TMEM184C: variants seen among roughly 807,000 people sequenced by gnomAD.
The protein encoded by TMEM184C is transmembrane protein 184C, also known as transmembrane protein 34.
In TMEM184C, 25 loss-of-function variants were observed where a neutral mutation model predicts 54.5. The observed-to-expected ratio is 0.46, with a 90% CI of 0.33 to 0.64. The LOEUF is 0.64. Among genes scored for constraint, TMEM184C ranks in the 30% least tolerant of loss-of-function variants. The pLI, the probability that TMEM184C is intolerant of heterozygous loss-of-function variation, is 0.02. For synonymous variants in TMEM184C, 148 were observed against 181.5 expected, an observed-to-expected ratio of 0.82 and a Z score of 1.49; for missense variants, 335 against 520.3, an observed-to-expected ratio of 0.64 and a Z score of 3.46.
chr4:147,627,539 G>A (rs1732837052), intron 4 of TMEM184C, among the ~76,000 whole-genome samples: 1 of 152,182 alleles, frequency 6.6e-6, no homozygotes, highest in South Asian at 2.1e-4. Flanking sequence ...CACAGTGCTG[G>A]GATTACAGGC....
At chr4:147,632,505 T>C (rs1400993894) in intron 7 of TMEM184C, 2 of 162,964 alleles carry the variant, frequency 1.2e-5, no homozygotes, top group Admixed American at 6.1e-5. Context: ...TATTCTGTTA[T>C]GTGGATATAA....
At chr4:147,621,367 A>G (rs1388890046) in intron 1 of TMEM184C, among the ~76,000 whole-genome samples, 2 of 152,076 alleles carry the variant, frequency 1.3e-5, no homozygotes, top group African/African-American at 4.8e-5. Context: ...CTTCTTTCCT[A>G]AAGTTACCCA....
At chr4:147,618,169 C>G (rs1732635983) in intron 1 of TMEM184C, 90 bp downstream of exon 1, 2 of 1,573,910 alleles carry the variant, frequency 1.3e-6, no homozygotes, top group Non-Finnish European at 8.7e-7. Flanking sequence ...TCTGCCCTGA[C>G]AGTCCTGAAA....
rs1733004662 is a variant in TMEM184C, at chr4:147,635,421, C to CAT, written c.*991_*992dup. The CAT allele has an allele frequency of 6.6e-6, 1 of 152,154 alleles. No individual in the cohort carries two copies. The highest frequency in any genetic ancestry group is 1.5e-5 in the Non-Finnish European group (1 of 68,020). The allele number at this position is 152,154 out of a possible 1,614,324, so 9.4% of individuals were successfully genotyped here. A position where few individuals can be genotyped will look rare whatever the true frequency, so the allele number is the denominator to read the frequency against. ...ACTCATTAAACCACAGTCAGAAAGA[C>CAT]ATATAGGTGCTATTTGGGAAAACTT... On this transcript the variant is annotated 3_prime_UTR_variant, in exon 10 of 10. Coordinates refer to ENST00000296582, the MANE Select transcript of TMEM184C (RefSeq NM_018241.3).
rs771013016 is a variant in TMEM184C, at chr4:147,631,495, G to T, written c.769G>T (p.Val257Phe). The change falls in exon 7 of 10, where the codon GTT becomes TTT. Residue 257 changes from valine to phenylalanine, a missense_variant. Val to Phe is a conservative substitution (Grantham distance 50, BLOSUM62 -1). Transcript: ENST00000296582. ...TCTTTGTGTAAAGCTGGTGGTTTTTGTTTCTTTTTGGTAAGTGTTACTTTT... is the reference window on the plus strand; with the variant it reads ...TCTTTGTGTAAAGCTGGTGGTTTTTTTTTCTTTTTGGTAAGTGTTACTTTT... ...KFLCVKLVVF[V>F]SFWQAVVIAL... is the part of the protein sequence containing the mutation. 1 of 1,605,050 alleles carries T rather than the reference G, an allele frequency of 6.2e-7. No homozygotes were observed. Among genetic ancestry groups the T allele is most frequent in the Admixed American group, 1.7e-5 (1 of 57,564 alleles).
intron 1 of TMEM184C, among the ~76,000 whole-genome samples, chr4:147,622,964 G>C (rs1353270116): frequency 6.6e-6 from 1 of 152,086 alleles, no homozygotes; most frequent in Admixed American, 6.6e-5. Flanking sequence ...TCGCCATGTT[G>C]CTCAGGCTGG....
At position 147,617,612 on chromosome 4, in the gene TMEM184C, C is replaced by G. The variant is rs1489365966; in HGVS notation, c.-345C>G. On this transcript the variant is annotated 5_prime_UTR_variant, in exon 1 of 10. Transcript: ENST00000296582. ...AGGCCGGTTCCTGGTCTGTGCTGCT[C>G]TCCTGGAAGCCATGGTACAGGCAGA... 1 of 293,304 alleles carries G rather than the reference C, an allele frequency of 3.4e-6. No homozygotes were observed. The highest frequency in any genetic ancestry group is 6.9e-6 in the Non-Finnish European group (1 of 144,116). 18.2% of individuals were successfully genotyped at this position (293,304 alleles called of 1,614,324 possible).
rs17023581 is a variant in TMEM184C, at chr4:147,634,709, G to A, written c.*275G>A. 0.022 allele frequency: 6,592 copies of A among 304,386 alleles called. 408 individuals are homozygous for A. The highest frequency in any genetic ancestry group is 0.14 in the African/African-American group (6,059 of 42,886). The allele number at this position is 304,386 out of a possible 1,614,324, so 18.9% of individuals were successfully genotyped here. Reference sequence around the variant, plus strand: ...AACTAAATCTTCCTGATGTTACACTGCTTTATCAAGAGGATGGACTTTTTT... The same window carrying A: ...AACTAAATCTTCCTGATGTTACACTACTTTATCAAGAGGATGGACTTTTTT... On this transcript the variant is annotated 3_prime_UTR_variant, in exon 10 of 10. Coordinates refer to ENST00000296582, the MANE Select transcript of TMEM184C (RefSeq NM_018241.3).
rs1732985613 is a variant in TMEM184C at position 147,634,893 on chromosome 4, A to G, written c.*459A>G. Reference sequence around the variant, plus strand: ...AGGCACCTGCCACCATGCCCAGCTAATTTTTTTTTTTTCAGTAGAGACAGG... The same window carrying G: ...AGGCACCTGCCACCATGCCCAGCTAGTTTTTTTTTTTTCAGTAGAGACAGG... On this transcript the variant is annotated 3_prime_UTR_variant, in exon 10 of 10. Coordinates refer to ENST00000296582, the MANE Select transcript of TMEM184C (RefSeq NM_018241.3). 6.7e-6 allele frequency: 1 copy of G among 148,616 alleles called. No homozygotes were observed. Among genetic ancestry groups the G allele is most frequent in the African/African-American group, 2.5e-5 (1 of 40,084 alleles). The allele number at this position is 148,616 out of a possible 1,614,324, so 9.2% of individuals were successfully genotyped here. A position where few individuals can be genotyped will look rare whatever the true frequency, so the allele number is the denominator to read the frequency against.
chr4:147,625,062 GTTT>G, intron 4 of TMEM184C, 53 bp downstream of exon 4: 1 of 1,566,808 alleles, frequency 6.4e-7, no homozygotes, highest in Non-Finnish European at 8.8e-7. Flanking sequence ...TTTAAGCAGA[GTTT>G]TTAAGTAGCA....
chr4:147,624,918 C>T lies in TMEM184C; in HGVS notation c.406C>T (p.Arg136Trp), dbSNP rs142288581. ...ATTCCTTACCAATTATCTAACTAAC[C>T]GGTATCCAAATCTGGTATTAATCCT... ...MGFLTNYLTN[R>W]YPNLVLILEA... Residue 136 changes from arginine (R) to tryptophan (W), a missense_variant, in exon 4 of 10, where the codon CGG (arginine) becomes TGG (tryptophan). Coordinates refer to ENST00000296582, the MANE Select transcript of TMEM184C (RefSeq NM_018241.3). 3.7e-6 allele frequency: 6 copies of T among 1,613,752 alleles called. No homozygotes were observed. The highest frequency in any genetic ancestry group is 2.2e-5 in the South Asian group (2 of 91,076).
chr4:147,624,720 T>C, intron 3 of TMEM184C, 84 bp from the exon 4 acceptor site: 1 of 1,286,026 alleles, frequency 7.8e-7, no homozygotes, highest in Admixed American at 2.0e-5. Context: ...GCATAAAAAT[T>C]AGCTTATTGT....
At chr4:147,627,970 C>G (rs1732845251) in intron 4 of TMEM184C, among the ~76,000 whole-genome samples, 2 of 145,304 alleles carry the variant, frequency 1.4e-5, no homozygotes, top group African/African-American at 5.2e-5. Flanking sequence ...CAAGAGTAGC[C>G]TGGGCAACAT....
At position 147,628,414 on chromosome 4, in the gene TMEM184C, C is replaced by T. The variant is rs1732852433; in HGVS notation, c.551C>T (p.Pro184Leu). 1 of 1,613,774 alleles carries T rather than the reference C, an allele frequency of 6.2e-7. No homozygotes were observed. The highest frequency in any genetic ancestry group is 8.5e-7 in the Non-Finnish European group (1 of 1,179,894). Residue 184 changes from proline to leucine, a missense_variant, in exon 5 of 10, where the codon CCT (proline) becomes CTT (leucine). By Grantham distance (98) the Pro-to-Leu change is moderately conservative (BLOSUM62 -3). Coordinates refer to ENST00000296582, the MANE Select transcript of TMEM184C (RefSeq NM_018241.3). ...GTATTACAGTACACAGTTGTCAGAC[C>T]TTTCACCACCATCGTTGCTTTGTAA... ...LGVLQYTVVRPFTTIVALICE... is the reference protein window; with the variant it reads ...LGVLQYTVVRLFTTIVALICE...
At chr4:147,619,665 C>A (rs751041138) in intron 1 of TMEM184C, among the ~76,000 whole-genome samples, 2 of 152,116 alleles carry the variant, frequency 1.3e-5, no homozygotes, top group African/African-American at 4.8e-5. Context: ...AGTATAGGAA[C>A]CACTTTAAAG....
At chr4:147,623,404 C>T (rs967065320) in intron 1 of TMEM184C, among the ~76,000 whole-genome samples, 11 of 150,434 alleles carry the variant, frequency 7.3e-5, no homozygotes, top group African/African-American at 2.5e-4. Context: ...CGCTGTACTC[C>T]AGCCTGGGCA....
rs1312226760 is a variant in TMEM184C, at chr4:147,635,646, G to C, written c.*1212G>C. ...CTATCTATATATATAGAGAGAGATA[G>C]TGGTTCACAGTAATCATACAAAGTC... On this transcript the variant is annotated 3_prime_UTR_variant, in exon 10 of 10. Coordinates refer to ENST00000296582, the MANE Select transcript of TMEM184C (RefSeq NM_018241.3). 1 of 152,108 alleles carries C rather than the reference G, an allele frequency of 6.6e-6. No homozygotes were observed. 9.4% of individuals were successfully genotyped at this position (152,108 alleles called of 1,614,324 possible).
chr4:147,620,443 A>C (rs1244875473), intron 1 of TMEM184C, among the ~76,000 whole-genome samples: 1 of 152,248 alleles, frequency 6.6e-6, no homozygotes, highest in East Asian at 1.9e-4. Flanking sequence ...AGATCTGAGA[A>C]GTTACCATGC....
At chr4:147,633,538 G>C (rs1363907840) in intron 8 of TMEM184C, among the ~76,000 whole-genome samples, 1 of 152,104 alleles carries the variant, frequency 6.6e-6, no homozygotes, top group African/African-American at 2.4e-5. Context: ...AGGAGTTCAA[G>C]GCTGCTACTT....
Sources: allele counts gnomAD v4.1 joint callset (sites outside exome capture counted in the v4.1 genomes callset), GRCh38; gene constraint gnomAD v4.1.1; transcripts MANE v1.5; gene names NCBI Gene and HGNC (gene_info 2026-07-23, HGNC 2026-07-21).